NBEAL1: variants seen among roughly 807,000 people sequenced by gnomAD.
The protein encoded by NBEAL1 is neurobeachin-like protein 1.
Under a neutral mutation model 351.3 loss-of-function variants are expected in NBEAL1, and 273 were observed. The ratio of observed to expected loss-of-function variants is 0.78; its 90% CI spans 0.70 to 0.86. The LOEUF (loss-of-function observed/expected upper bound fraction) is 0.86, where lower values mean the gene tolerates loss of function less well. NBEAL1 is among the 40% of genes least tolerant of loss of function. The probability of loss-of-function intolerance (pLI) is 0.00; values close to 1 mark genes in which losing one functional copy is unlikely to be tolerated. For missense variants in NBEAL1, 2,961 were observed against 3,201.3 expected, an observed-to-expected ratio of 0.92 and a Z score of 1.81; for synonymous variants, 1,050 against 1,086.4, an observed-to-expected ratio of 0.97 and a Z score of 0.66.
At chr2:203,187,847 G>C (rs927658380) in intron 44 of NBEAL1, among the ~76,000 whole-genome samples, 3 of 152,068 alleles carry the variant, frequency 2.0e-5, no homozygotes, top group Non-Finnish European at 4.4e-5. Flanking sequence ...AAAATGTACT[G>C]TTTGGAAGTC....
rs541254096 is a variant in NBEAL1 at position 203,155,658 on chromosome 2, G to C, written c.5588-2041G>C. Among the ~76,000 whole-genome samples, 90 of 152,000 alleles carry C rather than the reference G, an allele frequency of 5.9e-4. 2 individuals are homozygous for C. The highest frequency in any genetic ancestry group is 2.1e-3 in the African/African-American group (86 of 41,436). On this transcript the variant is annotated intron_variant, in intron 35 of 55. Coordinates refer to ENST00000683969, the MANE Select transcript of NBEAL1 (RefSeq NM_001378026.1). The stretch of plus-strand genomic sequence containing the variant: ...AGACAAGGTCGCCCTCTGTTGCCCA[G>C]GTTGGTCTTGAATTTCTGGGCTCAA...
At chr2:203,131,074 G>C (rs1447251217) in intron 25 of NBEAL1, among the ~76,000 whole-genome samples, 1 of 152,142 alleles carries the variant, frequency 6.6e-6, no homozygotes, top group African/African-American at 2.4e-5. Flanking sequence ...AAACTACATG[G>C]TTTGTTTCCA....
chr2:203,046,549 G>A (rs78377252), intron 3 of NBEAL1, among the ~76,000 whole-genome samples: 2,802 of 152,134 alleles, frequency 0.018, 30 homozygotes, highest in Non-Finnish European at 0.028. Context: ...ACTGTTCACC[G>A]TTCTGGAAGC....
At chr2:203,191,480 G>A in intron 46 of NBEAL1, 1 of 488,956 alleles carries the variant, frequency 2.0e-6, no homozygotes, top group Non-Finnish European at 3.6e-6. Flanking sequence ...TAATCTAATG[G>A]TAGTTTTCAA....
chr2:203,113,922 C>T (rs951843977), intron 17 of NBEAL1, among the ~76,000 whole-genome samples: 8 of 151,154 alleles, frequency 5.3e-5, no homozygotes, highest in Non-Finnish European at 1.0e-4. Flanking sequence ...CCCAGGTTCA[C>T]GCCATTCTCC....
chr2:203,077,803 T>C lies in NBEAL1; in HGVS notation c.650T>C (p.Leu217Ser). 1 of 1,473,740 alleles carries C rather than the reference T, an allele frequency of 6.8e-7. No individual in the cohort carries two copies. Among genetic ancestry groups the C allele is most frequent in the Non-Finnish European group, 9.0e-7 (1 of 1,107,882 alleles). 91.3% of individuals were successfully genotyped at this position (1,473,740 alleles called of 1,614,324 possible). Reference protein sequence around the residue: ...HLKESLKCCLLHLFGAIVAGG... With the variant: ...HLKESLKCCLSHLFGAIVAGG... ...AAGGAAAGTCTTAAATGTTGCTTATTGCATCTCTTTGGAGCCATTGTAGCC... is the reference window on the plus strand; with the variant it reads ...AAGGAAAGTCTTAAATGTTGCTTATCGCATCTCTTTGGAGCCATTGTAGCC... The change falls in exon 8 of 56, where the codon TTG becomes TCG. Residue 217 changes from leucine to serine, a missense_variant. Leu to Ser is a moderately radical substitution (Grantham distance 145, BLOSUM62 -2). Transcript: ENST00000683969.
At chr2:203,132,949 T>C (rs760244188) in intron 26 of NBEAL1, 109 bp from the exon 27 acceptor site, 51 of 611,484 alleles carry the variant, frequency 8.3e-5, no homozygotes, top group Non-Finnish European at 9.2e-5. Flanking sequence ...CTATAATTCA[T>C]ATTTTAAAAT....
intron 3 of NBEAL1, among the ~76,000 whole-genome samples, chr2:203,045,888 GAA>G (rs2061217672): frequency 6.6e-6 from 1 of 152,206 alleles, no homozygotes; most frequent in Non-Finnish European, 1.5e-5. Flanking sequence ...AGTGGCTTAT[GAA>G]AAGATTCTGA....
At chr2:203,132,847 G>A (rs944064717) in intron 26 of NBEAL1, among the ~76,000 whole-genome samples, 6 of 152,218 alleles carry the variant, frequency 3.9e-5, no homozygotes, top group Non-Finnish European at 5.9e-5. Context: ...TGGACAGTAC[G>A]TTCAAGCAAT....
In NBEAL1 at chr2:203,188,605, CTT is replaced by C; in HGVS notation, c.6823+20_6823+21del. ...AGTTATGAAGGTATAAATCTATACA[CTT>C]TTTCTCTTGCTTTACCTTGATAGAA... On this transcript the variant is annotated intron_variant, in intron 45 of 55. Transcript: ENST00000683969. 1 of 1,407,170 alleles carries C rather than the reference CTT, an allele frequency of 7.1e-7. No homozygotes were observed. The highest frequency in any genetic ancestry group is 2.3e-5 in the East Asian group (1 of 43,348). 87.2% of individuals were successfully genotyped at this position (1,407,170 alleles called of 1,614,324 possible). A position where few individuals can be genotyped will look rare whatever the true frequency, so the allele number is the denominator to read the frequency against.
chr2:203,166,183 T>C lies in NBEAL1; in HGVS notation c.5749T>C (p.Leu1917=), dbSNP rs1166419060. 4 of 1,587,424 alleles carry C rather than the reference T, an allele frequency of 2.5e-6. No individual in the cohort carries two copies. Among genetic ancestry groups the C allele is most frequent in the Non-Finnish European group, 3.4e-6 (4 of 1,171,194 alleles). ...AGAAGAACAGGATCAAAAAGAAAAA[T>C]TGGTATTGATGGAAGACTGTGAACT... ...EKEEQDQKEK[L]VLMEDCELIT... is the part of the protein sequence containing the mutation. The change falls in exon 37 of 56, where the codon TTG becomes CTG. Residue 1917 remains leucine (L), a synonymous_variant. Transcript: ENST00000683969.
At chr2:203,206,977 C>A (rs1470734715) in intron 51 of NBEAL1, among the ~76,000 whole-genome samples, 1 of 150,800 alleles carries the variant, frequency 6.6e-6, no homozygotes, top group African/African-American at 2.4e-5. Context: ...AAGTGAGGAG[C>A]GCCTCTTCCC....
chr2:203,016,382 A>G lies in NBEAL1; in HGVS notation c.-3A>G. The stretch of plus-strand genomic sequence containing the variant: ...AACTTAAAGTGCCAGAGTGAAAGCC[A>G]GAATGGCATCCAGAGAGAGGCTCTT... On this transcript the variant is annotated 5_prime_UTR_variant, in exon 2 of 56. Coordinates refer to ENST00000683969, the MANE Select transcript of NBEAL1 (RefSeq NM_001378026.1). 1 of 1,484,476 alleles carries G rather than the reference A, an allele frequency of 6.7e-7. No homozygotes were observed. The allele number at this position is 1,484,476 out of a possible 1,614,324, so 92.0% of individuals were successfully genotyped here. A position where few individuals can be genotyped will look rare whatever the true frequency, so the allele number is the denominator to read the frequency against.
chr2:203,116,071 G>A lies in NBEAL1; in HGVS notation c.2592+1G>A. The A allele has an allele frequency of 6.5e-7, 1 of 1,549,256 alleles. No homozygotes were observed. Reference sequence around the variant, plus strand: ...CATCCTTCTTTACTACACAGCAAAGGTCAGAGTAAATTTGTGAACTGTCCA... The same window carrying A: ...CATCCTTCTTTACTACACAGCAAAGATCAGAGTAAATTTGTGAACTGTCCA... On this transcript the variant is annotated splice_donor_variant, in intron 18 of 55. Transcript: ENST00000683969. LOFTEE classifies it high-confidence loss of function.
intron 47 of NBEAL1, 92 bp from the exon 48 acceptor site, chr2:203,197,210 A>G (rs924283100): frequency 1.5e-6 from 1 of 675,094 alleles, no homozygotes; most frequent in African/African-American, 1.8e-5. Context: ...GATGTATCAC[A>G]GGATTCATCC....
intron 42 of NBEAL1, among the ~76,000 whole-genome samples, chr2:203,178,389 ACTC>A (rs1347590278): frequency 1.3e-5 from 2 of 151,914 alleles, no homozygotes; most frequent in Non-Finnish European, 2.9e-5. Flanking sequence ...CTGGTCGTGA[ACTC>A]CTGATCTCAA....
At position 203,119,424 on chromosome 2, in the gene NBEAL1, C is replaced by CTTTTTTTTTTTTTTTTTGTTTTT. The variant is rs2062777503; in HGVS notation, c.2593-2813_2593-2812insGTTTTTTTTTTTTTTTTTTTTTT. On this transcript the variant is annotated intron_variant, in intron 18 of 55. Transcript: ENST00000683969. Reference sequence around the variant, plus strand: ...GTGAGCCACTGCATACGGCCTGTTGCTTTTTTTTTTTTTTTTTTTTGAGAC... The same window carrying CTTTTTTTTTTTTTTTTTGTTTTT: ...GTGAGCCACTGCATACGGCCTGTTGCTTTTTTTTTTTTTTTTTGTTTTTTTTTTTTTTTTTTTTTTTTTGAGAC... Among the ~76,000 whole-genome samples, 2 of 66,656 alleles carry CTTTTTTTTTTTTTTTTTGTTTTT rather than the reference C, an allele frequency of 3.0e-5. 1 individual carries two copies. Among genetic ancestry groups the CTTTTTTTTTTTTTTTTTGTTTTT allele is most frequent in the African/African-American group, 1.1e-4 (2 of 17,514 alleles). 43.7% of individuals were successfully genotyped at this position (66,656 alleles called of 152,430 possible).
intron 15 of NBEAL1, among the ~76,000 whole-genome samples, chr2:203,111,365 G>T (rs931272533): frequency 6.6e-6 from 1 of 151,766 alleles, no homozygotes; most frequent in African/African-American, 2.4e-5. Context: ...AGATTGTTTT[G>T]TGTTTTTTTT....
At chr2:203,051,947 C>G (rs1259345561) in intron 4 of NBEAL1, among the ~76,000 whole-genome samples, 5 of 151,912 alleles carry the variant, frequency 3.3e-5, no homozygotes, top group African/African-American at 1.2e-4. Flanking sequence ...TTTCCCATAC[C>G]CCTCAGTTTC....
Sources: gnomAD v4.1 joint callset for allele counts (sites outside exome capture counted in the v4.1 genomes callset) on GRCh38, gnomAD v4.1.1 for gene constraint, MANE v1.5 for transcripts, NCBI Gene and HGNC (gene_info 2026-07-23, HGNC 2026-07-21) for gene names.